The following FOXP2 variants were observed in gnomAD, a reference collection of about 807,000 sequenced individuals.
FOXP2 encodes the protein forkhead box protein P2.
In FOXP2, 12 loss-of-function variants were observed where a neutral mutation model predicts 115.8. The observed-to-expected ratio is 0.10, with a 90% confidence interval of 0.07 to 0.17. The LOEUF is 0.17. FOXP2 is among the 10% of genes least tolerant of loss of function. FOXP2 has a pLI of 1.00. For synonymous variants in FOXP2, 328 were observed against 297.7 expected (o/e 1.10, Z -1.05); for missense variants, 629 against 843.5 (o/e 0.75, Z 3.15).
intron 2 of FOXP2, among the ~76,000 whole-genome samples, chr7:114,520,128 G>A (rs1237445938): frequency 6.6e-6 from 1 of 151,986 alleles, no homozygotes; most frequent in Non-Finnish European, 1.5e-5. Flanking sequence ...TCAATCCTAT[G>A]GGTAATTTGA....
chr7:114,179,773 CA>C lies in FOXP2; in HGVS notation c.-102+16691del, dbSNP rs1176513876. Among the ~76,000 whole-genome samples the C allele has an allele frequency of 2.6e-5, 4 of 151,764 alleles. No homozygotes were observed. In the East Asian group the frequency reaches 7.7e-4, roughly 29 times the overall value. The stretch of plus-strand genomic sequence containing the variant: ...ATTGTGTTAAACATAAAGAGCAAAC[CA>C]AAAAACTGTGGCCAGATTATTATAG... On this transcript the variant is annotated intron_variant, in intron 1 of 17. Transcript: ENST00000634411.
intron 3 of FOXP2, among the ~76,000 whole-genome samples, chr7:114,598,281 C>G (rs1251342858): frequency 2.0e-5 from 3 of 151,972 alleles, no homozygotes; most frequent in African/African-American, 7.2e-5. Context: ...TATTCTCATA[C>G]ACTTTCATAT....
chr7:114,225,263 C>T (rs1226040184), intron 1 of FOXP2, among the ~76,000 whole-genome samples: 1 of 151,998 alleles, frequency 6.6e-6, no homozygotes, highest in Non-Finnish European at 1.5e-5. Context: ...AGTTTGCTAG[C>T]ATTTACTTCT....
chr7:114,469,402 G>C (rs1283441417), intron 2 of FOXP2, among the ~76,000 whole-genome samples: 3 of 152,160 alleles, frequency 2.0e-5, no homozygotes, highest in Non-Finnish European at 4.4e-5. Context: ...TGGACCTTCT[G>C]AGCAGCTCAT....
intron 2 of FOXP2, among the ~76,000 whole-genome samples, chr7:114,443,126 G>A (rs1480119764): frequency 6.6e-6 from 1 of 152,116 alleles, no homozygotes; most frequent in Non-Finnish European, 1.5e-5. Flanking sequence ...GCTCTCCTGT[G>A]CCCTGAAACT....
intron 2 of FOXP2, among the ~76,000 whole-genome samples, chr7:114,496,135 A>T (rs1192660238): frequency 1.3e-5 from 2 of 152,152 alleles, no homozygotes; most frequent in Non-Finnish European, 2.9e-5. Flanking sequence ...TTAGAAAAAA[A>T]ATCTATAATA....
intron 1 of FOXP2, among the ~76,000 whole-genome samples, chr7:114,140,129 A>T (rs1042123116): frequency 6.6e-6 from 1 of 152,098 alleles, no homozygotes; most frequent in African/African-American, 2.4e-5. Flanking sequence ...AAATTGTATG[A>T]CAACGTATGC....
At chr7:114,138,714 A>G (rs1293726448) in intron 1 of FOXP2, among the ~76,000 whole-genome samples, 1 of 152,036 alleles carries the variant, frequency 6.6e-6, no homozygotes, top group Admixed American at 6.6e-5. Context: ...TCATGAGAAA[A>G]ACATCAGACA....
At chr7:114,450,775 C>A (rs1466919744) in intron 2 of FOXP2, among the ~76,000 whole-genome samples, 1 of 151,810 alleles carries the variant, frequency 6.6e-6, no homozygotes, top group Non-Finnish European at 1.5e-5. Context: ...AAAAAACAAC[C>A]ACTGCTCCTT....
intron 1 of FOXP2, among the ~76,000 whole-genome samples, chr7:114,244,824 C>G (rs961100555): frequency 6.6e-6 from 1 of 151,776 alleles, no homozygotes; most frequent in Non-Finnish European, 1.5e-5. Context: ...TGCAGTGGCG[C>G]AATCTCGGCT....
chr7:114,548,790 T>C (rs1461347779), intron 3 of FOXP2, among the ~76,000 whole-genome samples: 2 of 152,170 alleles, frequency 1.3e-5, no homozygotes, highest in Non-Finnish European at 2.9e-5. Context: ...ATGGAACATA[T>C]GTAAGCAGTG....
At chr7:114,377,852 C>T (rs553179871) in intron 2 of FOXP2, among the ~76,000 whole-genome samples, 3 of 152,320 alleles carry the variant, frequency 2.0e-5, no homozygotes, top group Admixed American at 2.0e-4. Context: ...GTGTCTGCCT[C>T]ACTGTCATTT....
intron 2 of FOXP2, among the ~76,000 whole-genome samples, chr7:114,385,989 C>T (rs959546023): frequency 6.6e-6 from 1 of 152,218 alleles, no homozygotes; most frequent in African/African-American, 2.4e-5. Flanking sequence ...CCATGGAACC[C>T]AGTGACTAGT....
chr7:114,344,574 G>T (rs1325216265), intron 2 of FOXP2, among the ~76,000 whole-genome samples: 8 of 151,816 alleles, frequency 5.3e-5, no homozygotes, highest in Non-Finnish European at 8.8e-5. Context: ...GAGACATAAA[G>T]ATTTTATGGA....
At chr7:114,176,278 T>C (rs1289978392) in intron 1 of FOXP2, among the ~76,000 whole-genome samples, 1 of 41,954 alleles carries the variant, frequency 2.4e-5, no homozygotes, top group Non-Finnish European at 6.4e-5. Context: ...CTTTCTTTCT[T>C]TCTTTCTTTC....
intron 1 of FOXP2, among the ~76,000 whole-genome samples, chr7:114,252,192 C>T (rs1795464735): frequency 6.6e-6 from 1 of 152,078 alleles, no homozygotes; most frequent in Non-Finnish European, 1.5e-5. Context: ...ATTTAGTTTG[C>T]CAGTATTTTT....
intron 2 of FOXP2, among the ~76,000 whole-genome samples, chr7:114,486,434 G>T (rs1033027539): frequency 2.0e-5 from 3 of 152,100 alleles, no homozygotes; most frequent in African/African-American, 7.2e-5. Flanking sequence ...TTCAAGATGA[G>T]ATTTGGGTGG....
chr7:114,389,794 TG>T (rs1363193137), intron 2 of FOXP2, among the ~76,000 whole-genome samples: 1 of 151,446 alleles, frequency 6.6e-6, no homozygotes, highest in African/African-American at 2.4e-5. Flanking sequence ...GAGGCCGAGG[TG>T]GGTGGATCAG....
At chr7:114,430,216 G>A (rs532473878) in intron 2 of FOXP2, among the ~76,000 whole-genome samples, 16 of 151,616 alleles carry the variant, frequency 1.1e-4, no homozygotes, top group African/African-American at 3.9e-4. Flanking sequence ...TATTTGATAC[G>A]AAAAGTACCG....
Sources: gnomAD v4.1 joint callset for allele counts (sites outside exome capture counted in the v4.1 genomes callset) on GRCh38, gnomAD v4.1.1 for gene constraint, MANE v1.5 for transcripts, NCBI Gene and HGNC (gene_info 2026-07-23, HGNC 2026-07-21) for gene names.